Variants in CCNB3 observed in about 807,000 individuals in gnomAD.
CCNB3 encodes the protein cyclin B3, also known as G2/mitotic-specific cyclin-B3.
Under a neutral mutation model 68.0 loss-of-function variants are expected in CCNB3, and 12 were observed. The observed-to-expected ratio is 0.18, with a 90% CI of 0.11 to 0.29. The LOEUF (loss-of-function observed/expected upper bound fraction) is 0.29. Among genes scored for constraint, CCNB3 ranks in the 10% least tolerant of loss-of-function variants. The pLI is 1.00. For missense variants in CCNB3, 904 were observed against 993.1 expected, an observed-to-expected ratio of 0.91 and a Z score of 1.21; for synonymous variants, 354 against 388.9, an observed-to-expected ratio of 0.91 and a Z score of 1.06.
chrX:50,280,364 A>C (rs1602196486), intron 1 of CCNB3, among the ~76,000 whole-genome samples: 1 of 105,134 alleles, frequency 9.5e-6, no homozygotes, highest in Non-Finnish European at 1.9e-5. Flanking sequence ...AAATCAGGTG[A>C]TTAATAAATG....
chrX:50,228,693 T>A (rs1157328359), intron 1 of CCNB3, among the ~76,000 whole-genome samples: 3 of 80,171 alleles, frequency 3.7e-5, no homozygotes, highest in African/African-American at 1.5e-4. Flanking sequence ...AATATATACA[T>A]AGAATATATA....
chrX:50,292,523 T>C (rs1936367597), intron 4 of CCNB3, among the ~76,000 whole-genome samples: 1 of 111,572 alleles, frequency 9.0e-6, no homozygotes, highest in Admixed American at 9.6e-5. Flanking sequence ...CTGTCTTTCA[T>C]TGATGATGTT....
chrX:50,327,906 A>T (rs1269092271), intron 8 of CCNB3, among the ~76,000 whole-genome samples: 4 of 111,941 alleles, frequency 3.6e-5, no homozygotes, highest in Admixed American at 2.9e-4. Flanking sequence ...CGATTACCCA[A>T]GTGGGCCCAA....
intron 11 of CCNB3, 69 bp from the exon 12 acceptor site, chrX:50,351,172 G>A (rs1923660801): frequency 8.7e-7 from 1 of 1,145,938 alleles, no homozygotes; most frequent in Admixed American, 2.3e-5. Flanking sequence ...GCTTAGACTT[G>A]GGATAGCAGA....
At chrX:50,227,882 G>A (rs1312233664) in intron 1 of CCNB3, among the ~76,000 whole-genome samples, 5 of 78,731 alleles carry the variant, frequency 6.4e-5, no homozygotes, top group Non-Finnish European at 1.2e-4. Flanking sequence ...AATATATAGA[G>A]AGAAAATATA....
chrX:50,203,823 T>C (rs1159416518), upstream of CCNB3, among the ~76,000 whole-genome samples: 2 of 111,793 alleles, frequency 1.8e-5, no homozygotes, highest in Non-Finnish European at 1.9e-5. Flanking sequence ...AGGGGCTTAA[T>C]TAGGCAGCTA....
chrX:50,292,738 C>G (rs943729993), intron 4 of CCNB3, among the ~76,000 whole-genome samples: 1 of 111,309 alleles, frequency 9.0e-6, no homozygotes, highest in Non-Finnish European at 1.9e-5. Context: ...TATTTTGGTG[C>G]TCAAATTGCC....
upstream of CCNB3, among the ~76,000 whole-genome samples, chrX:50,203,071 A>G (rs2146966472): frequency 8.9e-6 from 1 of 111,852 alleles, no homozygotes; most frequent in African/African-American, 3.2e-5. Context: ...TTTAATAGCC[A>G]AATATTGAGA....
intron 1 of CCNB3, among the ~76,000 whole-genome samples, chrX:50,210,917 C>T (rs1453140583): frequency 9.0e-6 from 1 of 110,975 alleles, no homozygotes; most frequent in Non-Finnish European, 1.9e-5. Context: ...TTTTTTTCCT[C>T]CCTGTCAAAC....
intron 1 of CCNB3, among the ~76,000 whole-genome samples, chrX:50,213,361 C>A (rs1436018282): frequency 8.9e-6 from 1 of 111,911 alleles, no homozygotes; most frequent in Non-Finnish European, 1.9e-5. Context: ...CCCACTTGGT[C>A]ATGGTATATA....
At chrX:50,295,299 TG>T (rs1557210725) in intron 5 of CCNB3, among the ~76,000 whole-genome samples, 1 of 111,711 alleles carries the variant, frequency 9.0e-6, no homozygotes, top group East Asian at 2.8e-4. Flanking sequence ...TGCTTTATAG[TG>T]TGGAGACAAC....
Position 50,345,862 on chromosome X carries a change from C to T in CCNB3, c.3655-790C>T, listed in dbSNP as rs560067606. On this transcript the variant is annotated intron_variant, in intron 9 of 12. Coordinates refer to ENST00000376042, the MANE Select transcript of CCNB3 (RefSeq NM_033031.3). Reference sequence around the variant, plus strand: ...TCTGAGCCTAGGTTTCCTTGTCTGCCAAACCAAAGGGTTGGTCCTGTCTGT... The same window carrying T: ...TCTGAGCCTAGGTTTCCTTGTCTGCTAAACCAAAGGGTTGGTCCTGTCTGT... Among the ~76,000 whole-genome samples the T allele has an allele frequency of 9.0e-4, 101 of 112,261 alleles. 1 individual carries two copies. Among genetic ancestry groups the T allele is most frequent in the African/African-American group, 3.2e-3 (99 of 30,920 alleles).
chrX:50,316,743 A>T (rs1921742899), intron 8 of CCNB3, among the ~76,000 whole-genome samples: 1 of 112,038 alleles, frequency 8.9e-6, no homozygotes, highest in Non-Finnish European at 1.9e-5. Flanking sequence ...ATTCAGTATG[A>T]TGCCTTTAAG....
chrX:50,211,319 G>C (rs1382815004), intron 1 of CCNB3, among the ~76,000 whole-genome samples: 1 of 110,810 alleles, frequency 9.0e-6, no homozygotes, highest in African/African-American at 3.3e-5. Context: ...GTATTATTTC[G>C]TGAAAAAATC....
intron 8 of CCNB3, among the ~76,000 whole-genome samples, chrX:50,325,796 T>G (rs1922268402): frequency 8.9e-6 from 1 of 112,137 alleles, no homozygotes; most frequent in Non-Finnish European, 1.9e-5. Context: ...TGTTTGTGTG[T>G]GTGTACATAA....
chrX:50,222,889 C>T (rs1935694651), intron 1 of CCNB3, among the ~76,000 whole-genome samples: 1 of 111,632 alleles, frequency 9.0e-6, no homozygotes, highest in African/African-American at 3.3e-5. Flanking sequence ...CTCCCTGTCA[C>T]TTTCAGGTAC....
intron 4 of CCNB3, among the ~76,000 whole-genome samples, chrX:50,290,677 AG>A (rs781809337): frequency 9.0e-6 from 1 of 111,683 alleles, no homozygotes; most frequent in Non-Finnish European, 1.9e-5. Context: ...AAATCCATGC[AG>A]GTATCTAGGA....
At chrX:50,342,008 A>G (rs1237208601) in intron 8 of CCNB3, 194 bp from the exon 9 acceptor site, 2 of 414,922 alleles carry the variant, frequency 4.8e-6, no homozygotes, top group Non-Finnish European at 8.4e-6. Flanking sequence ...GTAAGGATAG[A>G]TAATGCCAGT....
chrX:50,317,716 C>T (rs1921805394), intron 8 of CCNB3, among the ~76,000 whole-genome samples: 1 of 109,796 alleles, frequency 9.1e-6, no homozygotes. Flanking sequence ...ATTACAGGTG[C>T]CCGCCACCCT....
Sources: gnomAD v4.1 joint callset for allele counts (sites outside exome capture counted in the v4.1 genomes callset) on GRCh38, gnomAD v4.1.1 for gene constraint, MANE v1.5 for transcripts, NCBI Gene and HGNC (gene_info 2026-07-23, HGNC 2026-07-21) for gene names.